Variants in SULF2 observed in about 807,000 individuals in gnomAD.
The protein encoded by SULF2 is sulfatase 2.
In SULF2, 52 loss-of-function variants were observed where a neutral mutation model predicts 107.7. The ratio of observed to expected loss-of-function variants is 0.48; its 90% CI spans 0.39 to 0.61. The LOEUF (loss-of-function observed/expected upper bound fraction) is 0.61, where lower values mean the gene tolerates loss of function less well. SULF2 is among the 20% of genes least tolerant of loss of function. SULF2 has a pLI of 0.00. For missense variants in SULF2, 993 were observed against 1,177.3 expected, an observed-to-expected ratio of 0.84 and a Z score of 2.29; for synonymous variants, 460 against 464.3, an observed-to-expected ratio of 0.99 and a Z score of 0.12.
At chr20:47,702,307 G>A (rs1276217983) in intron 4 of SULF2, among the ~76,000 whole-genome samples, 1 of 152,154 alleles carries the variant, frequency 6.6e-6, no homozygotes, top group Non-Finnish European at 1.5e-5. Flanking sequence ...TGATTCACCT[G>A]CCTTAGCCTC....
intron 2 of SULF2, among the ~76,000 whole-genome samples, chr20:47,756,201 A>G (rs935125251): frequency 6.6e-6 from 1 of 152,166 alleles, no homozygotes; most frequent in Non-Finnish European, 1.5e-5. Flanking sequence ...AAATTCTTCA[A>G]GAAACGAAAC....
intron 13 of SULF2, 148 bp from the exon 14 acceptor site, chr20:47,665,441 G>A: frequency 1.5e-6 from 1 of 666,162 alleles, no homozygotes; most frequent in South Asian, 1.7e-5. Flanking sequence ...CGGCATGTCT[G>A]GGTGGGGAGG....
Position 47,663,079 on chromosome 20 carries a change from G to T in SULF2, c.2361C>A (p.Asp787Glu). The change falls in exon 17 of 21, where the codon GAC (aspartate) becomes GAA (glutamate). Residue 787 changes from aspartate to glutamate, a missense_variant. Physicochemically the swap from Asp to Glu is conservative, Grantham distance 45 (BLOSUM62 2). Coordinates refer to ENST00000688720, the MANE Select transcript of SULF2 (RefSeq NM_001387048.1). ...CTCGGGTTGCCTGTACCTGGTAGGG[G>T]TCTGTGTTGAGATCAAAGTACTCTA... Reference protein sequence around the residue: ...GFLEYFDLNTDPYQLMNAVNT... With the variant: ...GFLEYFDLNTEPYQLMNAVNT... 3 of 1,614,164 alleles carry T rather than the reference G, an allele frequency of 1.9e-6. No individual in the cohort carries two copies. Among genetic ancestry groups the T allele is most frequent in the Non-Finnish European group, 2.5e-6 (3 of 1,180,022 alleles).
intron 3 of SULF2, among the ~76,000 whole-genome samples, chr20:47,720,252 C>CTTTAT (rs566709387): frequency 2.6e-5 from 4 of 151,732 alleles, no homozygotes; most frequent in Non-Finnish European, 5.9e-5. Context: ...TGCACCTGGC[C>CTTTAT]TTTATTTTAT....
At position 47,736,951 on chromosome 20, in the gene SULF2, C is replaced by G; in HGVS notation, c.176-9G>C. 1 of 1,614,008 alleles carries G rather than the reference C, an allele frequency of 6.2e-7. No individual in the cohort carries two copies. Among genetic ancestry groups the G allele is most frequent in the Non-Finnish European group, 8.5e-7 (1 of 1,179,938 alleles). On this transcript the variant is annotated splice_polypyrimidine_tract_variant and intron_variant, in intron 2 of 20. Coordinates refer to ENST00000688720, the MANE Select transcript of SULF2 (RefSeq NM_001387048.1). Reference sequence around the variant, plus strand: ...CATCACCTGCATGGAACCTGCAAGTCAAGGGTGGAAGTAAGGCGCAGGGCA... The same window carrying G: ...CATCACCTGCATGGAACCTGCAAGTGAAGGGTGGAAGTAAGGCGCAGGGCA...
At chr20:47,773,190 TGGCCACAAGGCA>T (rs1367740535) in intron 1 of SULF2, among the ~76,000 whole-genome samples, 2 of 152,222 alleles carry the variant, frequency 1.3e-5, no homozygotes. Context: ...GAAACAGCAG[TGGCCACAAGGCA>T]GGCCAGGCCT....
At chr20:47,735,635 G>A (rs1488527153) in intron 3 of SULF2, among the ~76,000 whole-genome samples, 1 of 152,184 alleles carries the variant, frequency 6.6e-6, no homozygotes, top group East Asian at 1.9e-4. Context: ...CTGCATAATG[G>A]CACGCACAAT....
chr20:47,750,370 C>T (rs2090134715), intron 2 of SULF2, among the ~76,000 whole-genome samples: 1 of 152,232 alleles, frequency 6.6e-6, no homozygotes, highest in African/African-American at 2.4e-5. Flanking sequence ...TCATTCTCAA[C>T]TCTTCTTTAC....
chr20:47,688,565 G>C (rs1239058034), intron 5 of SULF2, among the ~76,000 whole-genome samples: 3 of 152,208 alleles, frequency 2.0e-5, no homozygotes, highest in Non-Finnish European at 4.4e-5. Context: ...AGACAGGGCT[G>C]AGTGGCCTCC....
chr20:47,661,613 C>T (rs1299200052), intron 18 of SULF2, 160 bp downstream of exon 18: 1 of 609,076 alleles, frequency 1.6e-6, no homozygotes, highest in African/African-American at 1.9e-5. Flanking sequence ...TAAAGGTCAT[C>T]TGCCTGCTAT....
intron 1 of SULF2, among the ~76,000 whole-genome samples, chr20:47,769,823 G>A (rs908663225): frequency 6.6e-6 from 1 of 152,168 alleles, no homozygotes; most frequent in Admixed American, 6.5e-5. Context: ...AATAGGTTGG[G>A]TAGCGAAGGC....
intron 1 of SULF2, among the ~76,000 whole-genome samples, chr20:47,764,269 C>A (rs201044898): frequency 6.6e-6 from 1 of 152,260 alleles, no homozygotes; most frequent in East Asian, 1.9e-4. Flanking sequence ...AGAATATCAG[C>A]CCCCTGAAGG....
At chr20:47,705,923 C>T (rs1036160289) in intron 3 of SULF2, among the ~76,000 whole-genome samples, 1 of 151,820 alleles carries the variant, frequency 6.6e-6, no homozygotes, top group Non-Finnish European at 1.5e-5. Flanking sequence ...CTCAGCATCC[C>T]GAGTAGCTGG....
Position 47,680,462 on chromosome 20 carries a change from C to G in SULF2, c.1065-1658G>C, listed in dbSNP as rs1036678741. ...TAAGGGACTTAAGGGGTGTGCCCAG[C>G]ACAGGACCCAGGACCTGTTGAATGG... On this transcript the variant is annotated intron_variant, in intron 7 of 20. Coordinates refer to ENST00000688720, the MANE Select transcript of SULF2 (RefSeq NM_001387048.1). The surrounding 1 kb of genome is among the most constrained non-coding windows in gnomAD (Gnocchi z 4.2). Among the ~76,000 whole-genome samples the G allele has an allele frequency of 3.3e-5, 5 of 152,248 alleles. No individual in the cohort carries two copies. Among genetic ancestry groups the G allele is most frequent in the African/African-American group, 1.2e-4 (5 of 41,468 alleles).
intron 7 of SULF2, among the ~76,000 whole-genome samples, chr20:47,682,266 C>T (rs2087846881): frequency 6.6e-6 from 1 of 152,232 alleles, no homozygotes; most frequent in African/African-American, 2.4e-5. Context: ...CCGCAGCCAG[C>T]CCTGTGTGAG....
chr20:47,693,835 T>TG (rs2088285188), intron 4 of SULF2, among the ~76,000 whole-genome samples: 1 of 152,084 alleles, frequency 6.6e-6, no homozygotes, highest in African/African-American at 2.4e-5. Flanking sequence ...TCAAAGTGTG[T>TG]GGGGGGTGAT....
chr20:47,713,928 C>T (rs898914880), intron 3 of SULF2, among the ~76,000 whole-genome samples: 3 of 152,104 alleles, frequency 2.0e-5, no homozygotes. Flanking sequence ...AAGGCCCCTC[C>T]GAGACTCCAG....
intron 3 of SULF2, among the ~76,000 whole-genome samples, chr20:47,725,476 G>A (rs774699707): frequency 2.8e-4 from 43 of 152,126 alleles, no homozygotes; most frequent in Middle Eastern, 3.2e-3. Flanking sequence ...CTTAGTCTCC[G>A]CCCCCAGGAA....
rs2087499079 is a variant in SULF2, at chr20:47,672,216, T to C, written c.1558A>G (p.Lys520Glu). Residue 520 changes from lysine (K) to glutamate (E), a missense_variant, in exon 11 of 21, where the codon AAA (lysine) becomes GAA (glutamate). Lys to Glu is a moderately conservative substitution (Grantham distance 56, BLOSUM62 1). Around this residue, in one of 3 missense-constraint regions of SULF2, gnomAD observed 497 missense variants for 544.1 expected, o/e 0.91. Coordinates refer to ENST00000688720, the MANE Select transcript of SULF2 (RefSeq NM_001387048.1). ...DYKLSLAGRR[K>E]KLFKKKYKAS... Reference sequence around the variant, plus strand: ...CACTTACTCTTCTTGAAGAGTTTTTTCCGGCGTCCGGCCAGGCTGAGCTTG... The same window carrying C: ...CACTTACTCTTCTTGAAGAGTTTTTCCCGGCGTCCGGCCAGGCTGAGCTTG... The C allele has an allele frequency of 1.2e-6, 2 of 1,609,228 alleles. No individual in the cohort carries two copies. Among genetic ancestry groups the C allele is most frequent in the Admixed American group, 3.3e-5 (2 of 59,872 alleles).
Sources: gnomAD v4.1 joint callset for allele counts (sites outside exome capture counted in the v4.1 genomes callset) on GRCh38, gnomAD v4.1.1 for gene constraint, gnomAD v4.1.1 regional missense constraint, Gnocchi (gnomAD v3.1) non-coding constraint, MANE v1.5 for transcripts, NCBI Gene and HGNC (gene_info 2026-07-23, HGNC 2026-07-21) for gene names.